The following MBP variants were observed in gnomAD, a reference collection of about 807,000 sequenced individuals.
MBP encodes Golli-MBP.
Under a neutral mutation model 35.8 loss-of-function variants are expected in MBP, and 16 were observed. That is an observed-to-expected ratio of 0.45 (90% CI 0.30 to 0.68). The LOEUF (loss-of-function observed/expected upper bound fraction) is 0.68. Among genes scored for constraint, MBP ranks in the 30% least tolerant of loss-of-function variants. MBP has a pLI of 0.08. For missense variants in MBP, 380 were observed against 404.7 expected, an observed-to-expected ratio of 0.94 and a Z score of 0.52; for synonymous variants, 143 against 159.6, an observed-to-expected ratio of 0.90 and a Z score of 0.78.
chr18:76,990,111 C>T (rs759979950), intron 4 of MBP, 51 bp from the exon 5 acceptor site: 6 of 1,228,506 alleles, frequency 4.9e-6, no homozygotes, highest in South Asian at 1.3e-5. Flanking sequence ...GTCCCTGCGG[C>T]TTGTCCTCCT....
chr18:76,980,250 C>T lies in MBP; in HGVS notation c.*177G>A. 1 of 725,504 alleles carries T rather than the reference C, an allele frequency of 1.4e-6. No individual in the cohort carries two copies. Among genetic ancestry groups the T allele is most frequent in the Non-Finnish European group, 2.5e-6 (1 of 395,424 alleles). 44.9% of individuals were successfully genotyped at this position (725,504 alleles called of 1,614,324 possible). A position where few individuals can be genotyped will look rare whatever the true frequency, so the allele number is the denominator to read the frequency against. Reference sequence around the variant, plus strand: ...TTTCTGTTTTCATGTTCTCATTTAACTGTTGGCCGGAAATTGCCGGTAGGC... The same window carrying T: ...TTTCTGTTTTCATGTTCTCATTTAATTGTTGGCCGGAAATTGCCGGTAGGC... On this transcript the variant is annotated 3_prime_UTR_variant, in exon 9 of 9. Transcript: ENST00000355994.
At chr18:77,013,883 G>A (rs141418719) in intron 4 of MBP, 212 of 985,444 alleles carry the variant, frequency 2.2e-4, no homozygotes, top group Non-Finnish European at 2.4e-4. Flanking sequence ...GGTTTCCAAA[G>A]CTAATGTTTC....
intron 2 of MBP, among the ~76,000 whole-genome samples, chr18:77,068,839 T>C (rs1219430221): frequency 7.3e-6 from 1 of 136,368 alleles, no homozygotes; most frequent in Non-Finnish European, 1.6e-5. Context: ...ATGTCTGGCA[T>C]TGCTAGAGAT....
intron 4 of MBP, chr18:76,991,031 C>A: frequency 5.0e-6 from 1 of 199,438 alleles, no homozygotes; most frequent in Non-Finnish European, 1.1e-5. Flanking sequence ...CCCCAGGCTT[C>A]TGGGCTGAAT....
rs570003410 is a variant in MBP, at chr18:76,992,277, C to T, written c.577-2217G>A. On this transcript the variant is annotated intron_variant, in intron 4 of 8. Transcript: ENST00000355994. Reference sequence around the variant, plus strand: ...CCTCAGATCATCAGGCATTAGATTCCCATAAGGAGTGCACAACCTCGATCC... The same window carrying T: ...CCTCAGATCATCAGGCATTAGATTCTCATAAGGAGTGCACAACCTCGATCC... 2.7e-3 allele frequency among the ~76,000 whole-genome samples: 418 copies of T among 152,256 alleles called. 2 individuals are homozygous for T. Among genetic ancestry groups the T allele is most frequent in the African/African-American group, 9.7e-3 (402 of 41,544 alleles).
At chr18:77,099,786 T>C (rs1975924048) in intron 2 of MBP, among the ~76,000 whole-genome samples, 2 of 152,110 alleles carry the variant, frequency 1.3e-5, no homozygotes, top group African/African-American at 2.4e-5. Flanking sequence ...ACACCTGCCC[T>C]GGGGGGAGCC....
chr18:77,111,158 C>T (rs922991779), intron 1 of MBP, among the ~76,000 whole-genome samples: 1 of 152,260 alleles, frequency 6.6e-6, no homozygotes, highest in East Asian at 1.9e-4. Flanking sequence ...GCTGAAGACA[C>T]GACTCTGTGG....
intron 7 of MBP, chr18:76,986,475 C>G (rs1246665992): frequency 4.1e-6 from 4 of 985,418 alleles, no homozygotes; most frequent in Non-Finnish European, 4.8e-6. Context: ...ACCATACAAG[C>G]TACTTGCACA....
chr18:77,049,368 T>C (rs1348381256), intron 3 of MBP, among the ~76,000 whole-genome samples: 2 of 152,260 alleles, frequency 1.3e-5, no homozygotes, highest in East Asian at 3.8e-4. Flanking sequence ...ATGGAATTTG[T>C]GTTGGAGAAC....
At chr18:77,100,063 C>T (rs1975937190) in intron 2 of MBP, among the ~76,000 whole-genome samples, 1 of 152,226 alleles carries the variant, frequency 6.6e-6, no homozygotes, top group South Asian at 2.1e-4. Flanking sequence ...CTGTGATCCT[C>T]CTGAATCTAT....
intron 2 of MBP, among the ~76,000 whole-genome samples, chr18:77,098,703 G>A (rs867334262): frequency 3.9e-5 from 6 of 152,192 alleles, no homozygotes; most frequent in Non-Finnish European, 8.8e-5. Flanking sequence ...AGCCTTTACC[G>A]TAAGGGCTTG....
chr18:77,079,775 T>C (rs1283394444), intron 2 of MBP, among the ~76,000 whole-genome samples: 1 of 152,236 alleles, frequency 6.6e-6, no homozygotes, highest in Non-Finnish European at 1.5e-5. Flanking sequence ...GAAGCAAATA[T>C]TCCTTCCACA....
At chr18:77,016,216 T>A in intron 4 of MBP, 1 of 984,136 alleles carries the variant, frequency 1.0e-6, no homozygotes, top group Non-Finnish European at 1.2e-6. Context: ...CTTCTAAGAC[T>A]CTGTATGCAA....
rs557108033 is a variant in MBP at position 77,044,105 on chromosome 18, C to G, written c.139+22193G>C. Among the ~76,000 whole-genome samples, 6 of 152,136 alleles carry G rather than the reference C, an allele frequency of 3.9e-5. No homozygotes were observed. Among genetic ancestry groups the G allele is most frequent in the Non-Finnish European group, 8.8e-5 (6 of 68,028 alleles). On this transcript the variant is annotated intron_variant, in intron 3 of 8. Transcript: ENST00000355994. The surrounding 1 kb of genome is among the most constrained non-coding windows in gnomAD (Gnocchi z 4.4). ...AGTTCCTCCTGCTGACCACCTCCCC[C>G]GATGCCCTCCACGCTGCACACTGGG...
chr18:77,007,496 C>A (rs1215698091), intron 4 of MBP, among the ~76,000 whole-genome samples: 2 of 152,198 alleles, frequency 1.3e-5, no homozygotes, highest in Admixed American at 6.5e-5. Flanking sequence ...GAAGTTGAGG[C>A]CTCTAGCACG....
chr18:77,056,440 A>G (rs115718151), intron 3 of MBP, among the ~76,000 whole-genome samples: 1,783 of 152,260 alleles, frequency 0.012, 33 homozygotes, highest in African/African-American at 0.041. Flanking sequence ...TTCACTGCCC[A>G]GCTTTGTCTT....
chr18:77,103,182 G>T (rs930574543), intron 2 of MBP, among the ~76,000 whole-genome samples: 12 of 152,138 alleles, frequency 7.9e-5, no homozygotes, highest in Admixed American at 2.0e-4. Flanking sequence ...TACTCATGTG[G>T]CTGACATAGA....
At chr18:77,046,655 G>A (rs956014639) in intron 3 of MBP, among the ~76,000 whole-genome samples, 2 of 152,236 alleles carry the variant, frequency 1.3e-5, no homozygotes, top group African/African-American at 4.8e-5. Context: ...GAGGCTGGAG[G>A]AGGTAGCGAC....
intron 4 of MBP, among the ~76,000 whole-genome samples, chr18:77,010,434 G>T (rs1971278661): frequency 2.6e-5 from 4 of 152,204 alleles, no homozygotes; most frequent in African/African-American, 9.7e-5. Flanking sequence ...TATAGCAAGT[G>T]TGTTATCTTC....
Sources: gnomAD v4.1 joint callset for allele counts (sites outside exome capture counted in the v4.1 genomes callset) on GRCh38, gnomAD v4.1.1 for gene constraint, Gnocchi (gnomAD v3.1) non-coding constraint, MANE v1.5 for transcripts, NCBI Gene and HGNC (gene_info 2026-07-23, HGNC 2026-07-21) for gene names.